The following TNFRSF13B variants were observed in gnomAD, a reference collection of about 807,000 sequenced individuals.
TNFRSF13B encodes tumor necrosis factor receptor superfamily member 13B.
Under a neutral mutation model 24.0 loss-of-function variants are expected in TNFRSF13B, and 34 were observed. The ratio of observed to expected loss-of-function variants is 1.41; its 90% CI spans 1.08 to 1.88. TNFRSF13B has a LOEUF of 1.88. Among genes scored for constraint, TNFRSF13B ranks in the 40% most tolerant of loss-of-function variants. The probability of loss-of-function intolerance (pLI) is 0.00; values close to 1 mark genes in which losing one functional copy is unlikely to be tolerated. For missense variants in TNFRSF13B, 415 were observed against 380.8 expected (o/e 1.09, Z -0.75); for synonymous variants, 173 against 150.3 (o/e 1.15, Z -1.10).
intron 3 of TNFRSF13B, among the ~76,000 whole-genome samples, chr17:16,945,386 C>T (rs555847397): frequency 2.0e-4 from 31 of 152,328 alleles, no homozygotes; most frequent in African/African-American, 7.2e-4. Context: ...AGCCTGCAGA[C>T]GCCACTCTGG....
At chr17:16,956,265 C>T (rs1430850662) in intron 1 of TNFRSF13B, among the ~76,000 whole-genome samples, 1 of 152,174 alleles carries the variant, frequency 6.6e-6, no homozygotes, top group Non-Finnish European at 1.5e-5. Flanking sequence ...CAGCCCTTAA[C>T]AGGCAAGTTT....
At chr17:16,961,466 T>G (rs1212650269) in intron 1 of TNFRSF13B, among the ~76,000 whole-genome samples, 1 of 152,248 alleles carries the variant, frequency 6.6e-6, no homozygotes, top group South Asian at 2.1e-4. Flanking sequence ...GAAGATATTA[T>G]GCTAAGTGAA....
chr17:16,970,168 G>A (rs1435797976), intron 1 of TNFRSF13B, among the ~76,000 whole-genome samples: 1 of 152,194 alleles, frequency 6.6e-6, no homozygotes, highest in Non-Finnish European at 1.5e-5. Flanking sequence ...ATCATCAAGT[G>A]CCAAAGGAGG....
Position 16,939,713 on chromosome 17 carries a change from G to T in TNFRSF13B, c.716C>A (p.Ala239Glu). Reference sequence around the variant, plus strand: ...CGTGACTGCGCTCTCCTGCGTGGGCGCCCTGCACTCAGGGAAGCAGAAGCT... The same window carrying T: ...CGTGACTGCGCTCTCCTGCGTGGGCTCCCTGCACTCAGGGAAGCAGAAGCT... ...TCSFCFPECR[A>E]PTQESAVTPG... Residue 239 changes from alanine to glutamate, a missense_variant, in exon 5 of 5, where the codon GCG becomes GAG. Physicochemically the swap from Ala to Glu is moderately radical, Grantham distance 107. Coordinates refer to ENST00000261652, the MANE Select transcript of TNFRSF13B (RefSeq NM_012452.3). The T allele has an allele frequency of 6.2e-7, 1 of 1,606,422 alleles. No individual in the cohort carries two copies.
At chr17:16,948,165 A>G (rs2087562002) in intron 3 of TNFRSF13B, among the ~76,000 whole-genome samples, 1 of 152,204 alleles carries the variant, frequency 6.6e-6, no homozygotes, top group Non-Finnish European at 1.5e-5. Context: ...GACAGGAACA[A>G]CAGACACTGG....
In TNFRSF13B at chr17:16,967,444, TA is replaced by T. The variant is rs532481872; in HGVS notation, c.61+4570del. 1.9e-3 allele frequency among the ~76,000 whole-genome samples: 286 copies of T among 152,098 alleles called. 2 individuals carry two copies. Among genetic ancestry groups the T allele is most frequent in the Non-Finnish European group, 3.5e-3 (237 of 67,988 alleles). On this transcript the variant is annotated intron_variant, in intron 1 of 4. Coordinates refer to ENST00000261652, the MANE Select transcript of TNFRSF13B (RefSeq NM_012452.3). Reference sequence around the variant, plus strand: ...TATTTGTAAATGGTCATGTATACATTAAAAAATTGTGTTAAAAATAAGAAAC... The same window carrying T: ...TATTTGTAAATGGTCATGTATACATTAAAAATTGTGTTAAAAATAAGAAAC...
chr17:16,961,587 G>A (rs2087662854), intron 1 of TNFRSF13B, among the ~76,000 whole-genome samples: 1 of 152,138 alleles, frequency 6.6e-6, no homozygotes. Context: ...ACAGGCAGCC[G>A]TTATTGATTA....
rs1597672265 is a variant in TNFRSF13B at position 16,972,023 on chromosome 17, T to C, written c.53A>G (p.Glu18Gly). The part of the protein sequence containing the change: ...RRGGRSRVDQ[E>G]ERFPQGLWTG... ...CCTGCCCGGCTACTCACAGCGCTCC[T>C]CCTGGTCCACACGGCTCCGGCCACC... Residue 18 changes from glutamate to glycine, a missense_variant, in exon 1 of 5, where the codon GAG becomes GGG. Coordinates refer to ENST00000261652, the MANE Select transcript of TNFRSF13B (RefSeq NM_012452.3). 3.1e-6 allele frequency: 5 copies of C among 1,614,048 alleles called. 1 individual carries two copies. The highest frequency in any genetic ancestry group is 3.4e-6 in the Non-Finnish European group (4 of 1,179,998).
At chr17:16,952,669 G>A in intron 1 of TNFRSF13B, 86 bp from the exon 2 acceptor site, 1 of 1,586,536 alleles carries the variant, frequency 6.3e-7, no homozygotes, top group Non-Finnish European at 8.6e-7. Context: ...GGCCTCTCCT[G>A]CCCACATTCG....
intron 1 of TNFRSF13B, among the ~76,000 whole-genome samples, chr17:16,954,857 A>C (rs1390926659): frequency 3.9e-5 from 6 of 152,200 alleles, no homozygotes; most frequent in Non-Finnish European, 5.9e-5. Flanking sequence ...TGAGGGTAGC[A>C]ACGTGGTCCT....
At position 16,939,160 on chromosome 17, in the gene TNFRSF13B, A is replaced by C; in HGVS notation, c.*387T>G. The C allele has an allele frequency of 5.7e-6, 1 of 176,356 alleles. No individual in the cohort carries two copies. The allele number at this position is 176,356 out of a possible 1,614,324, so 10.9% of individuals were successfully genotyped here. ...GGGGCTGTGAGCAGCAGGCACGAGG[A>C]CTTTATTGCACGTGTGGTTAGGTGA... On this transcript the variant is annotated 3_prime_UTR_variant, in exon 5 of 5. Coordinates refer to ENST00000261652, the MANE Select transcript of TNFRSF13B (RefSeq NM_012452.3).
intron 3 of TNFRSF13B, chr17:16,941,106 T>C: frequency 1.6e-6 from 1 of 622,038 alleles, no homozygotes; most frequent in Non-Finnish European, 2.0e-6. Context: ...TAGAAGGGTG[T>C]TATACTGTAT....
intron 1 of TNFRSF13B, among the ~76,000 whole-genome samples, chr17:16,959,762 C>A (rs1246877851): frequency 2.6e-5 from 4 of 152,064 alleles, no homozygotes; most frequent in African/African-American, 9.7e-5. Context: ...AATACACAAT[C>A]TACCAAAACT....
chr17:16,957,979 T>C (rs62066489), intron 1 of TNFRSF13B, among the ~76,000 whole-genome samples: 2,307 of 152,312 alleles, frequency 0.015, 19 homozygotes, highest in Non-Finnish European at 0.021. Context: ...ACATTTTGCA[T>C]GGTTTGTAAC....
At position 16,939,610 on chromosome 17, in the gene TNFRSF13B, G is replaced by A; in HGVS notation, c.819C>T (p.His273=). 6.2e-7 allele frequency: 1 copy of A among 1,613,646 alleles called. No homozygotes were observed. The highest frequency in any genetic ancestry group is 8.5e-7 in the Non-Finnish European group (1 of 1,179,748). The stretch of plus-strand genomic sequence containing the variant: ...CAATGCCAAGGCCACTGTCTGGGAT[G>A]TGTGGGCAAGGCTGCAGGACTGTGG... The part of the protein sequence containing the change: ...TRTTVLQPCP[H]IPDSGLGIVC... The change falls in exon 5 of 5, where the codon CAC becomes CAT. Residue 273 remains histidine (H), a synonymous_variant. Transcript: ENST00000261652.
intron 1 of TNFRSF13B, among the ~76,000 whole-genome samples, chr17:16,955,170 G>A (rs529127305): frequency 6.6e-6 from 1 of 152,360 alleles, no homozygotes; most frequent in Non-Finnish European, 1.5e-5. Flanking sequence ...CTTCCAGGCA[G>A]CTGTCAGTGC....
chr17:16,948,110 C>T (rs2087561599), intron 3 of TNFRSF13B, among the ~76,000 whole-genome samples: 2 of 152,170 alleles, frequency 1.3e-5, no homozygotes, highest in Admixed American at 1.3e-4. Context: ...CACATGTTCT[C>T]ACTTATAAGT....
chr17:16,970,970 C>T (rs1164645011), intron 1 of TNFRSF13B, among the ~76,000 whole-genome samples: 1 of 152,142 alleles, frequency 6.6e-6, no homozygotes, highest in African/African-American at 2.4e-5. Flanking sequence ...CTAGGCTGTG[C>T]CCCGGGTCCA....
In TNFRSF13B at chr17:16,941,572, C is replaced by T. The variant is rs1429546062; in HGVS notation, c.446-1061G>A. On this transcript the variant is annotated intron_variant, in intron 3 of 4. Coordinates refer to ENST00000261652, the MANE Select transcript of TNFRSF13B (RefSeq NM_012452.3). ...GGCACTTCCCCTACAGCACCCCCTTCATCTTCCCGCTCTGATGGCAGACAA... is the reference window on the plus strand; with the variant it reads ...GGCACTTCCCCTACAGCACCCCCTTTATCTTCCCGCTCTGATGGCAGACAA... 3 of 987,448 alleles carry T rather than the reference C, an allele frequency of 3.0e-6. No homozygotes were observed. The African/African-American group carries it at 5.2e-5, about 17-fold the overall frequency. The allele number at this position is 987,448 out of a possible 1,614,324, so 61.2% of individuals were successfully genotyped here.
Sources: gnomAD v4.1 joint callset for allele counts (sites outside exome capture counted in the v4.1 genomes callset) on GRCh38, gnomAD v4.1.1 for gene constraint, MANE v1.5 for transcripts, NCBI Gene and HGNC (gene_info 2026-07-23, HGNC 2026-07-21) for gene names.